Variants in TMEM242 observed in about 807,000 individuals in gnomAD.
The protein encoded by TMEM242 is UPF0463 transmembrane protein C6orf35.
In TMEM242, 10 loss-of-function variants were observed where a neutral mutation model predicts 18.2. The ratio of observed to expected loss-of-function variants is 0.55; its 90% CI spans 0.34 to 0.93. TMEM242 has a LOEUF of 0.93. TMEM242 is among the 40% of genes least tolerant of loss of function. The pLI is 0.02. For synonymous variants in TMEM242, 57 were observed against 69.9 expected (o/e 0.81, Z 0.92); for missense variants, 186 against 175.5 (o/e 1.06, Z -0.34).
chr6:157,317,426 T>G (rs888608148), intron 3 of TMEM242, among the ~76,000 whole-genome samples: 1 of 152,110 alleles, frequency 6.6e-6, no homozygotes, highest in Admixed American at 6.5e-5. Flanking sequence ...GCCAAGGAGA[T>G]TTCCCTCTTC....
chr6:157,318,778 T>C lies in TMEM242; in HGVS notation c.327+4A>G. The C allele has an allele frequency of 6.2e-7, 1 of 1,614,054 alleles. No homozygotes were observed. Among genetic ancestry groups the C allele is most frequent in the Non-Finnish European group, 8.5e-7 (1 of 1,180,004 alleles). Reference sequence around the variant, plus strand: ...ATACCAGGGACAAGACAGTAGTTACTTACACTGTGAACTCCTAAAGCTTTC... The same window carrying C: ...ATACCAGGGACAAGACAGTAGTTACCTACACTGTGAACTCCTAAAGCTTTC... On this transcript the variant is annotated splice_donor_region_variant and intron_variant, in intron 3 of 3. Transcript: ENST00000400788.
intron 1 of TMEM242, among the ~76,000 whole-genome samples, chr6:157,323,052 G>A (rs985002266): frequency 1.6e-4 from 24 of 152,100 alleles, no homozygotes; most frequent in Non-Finnish European, 3.4e-4. Context: ...GCAGAGAAAA[G>A]GTTCAGCTTC....
chr6:157,313,160 T>C (rs1554249641), intron 3 of TMEM242, among the ~76,000 whole-genome samples: 3 of 149,654 alleles, frequency 2.0e-5, no homozygotes, highest in African/African-American at 2.5e-5. Flanking sequence ...TCACCTGGCC[T>C]CATCATAGTG....
At position 157,292,960 on chromosome 6, in the gene TMEM242, T is replaced by C. The variant is rs377179342; in HGVS notation, c.367A>G (p.Thr123Ala). ...FRSKMQSIFP[T>A]IPKNSESAVE... ...GCCGATTCGGAGTTCTTGGGAATTG[T>C]TGGAAATATTGATTGCATTTTACTT... Residue 123 changes from threonine to alanine, a missense_variant, in exon 4 of 4, where the codon ACA becomes GCA. Thr to Ala is a moderately conservative substitution (Grantham distance 58). Coordinates refer to ENST00000400788, the MANE Select transcript of TMEM242 (RefSeq NM_018452.6). The C allele has an allele frequency of 3.1e-5, 50 of 1,613,740 alleles. No individual in the cohort carries two copies. Among genetic ancestry groups the C allele is most frequent in the African/African-American group, 2.7e-4 (20 of 74,936 alleles).
At chr6:157,299,228 A>G (rs1554247351) in intron 3 of TMEM242, 2 of 712,544 alleles carry the variant, frequency 2.8e-6, no homozygotes, top group Non-Finnish European at 5.4e-6. Context: ...TCTTCAAAAT[A>G]CTTTCTGTTA....
chr6:157,299,368 C>G (rs1411979210), intron 3 of TMEM242: 69 of 1,115,666 alleles, frequency 6.2e-5, no homozygotes, highest in Non-Finnish European at 8.7e-5. Flanking sequence ...TATCAGAGTT[C>G]AGATTCTTCA....
intron 3 of TMEM242, among the ~76,000 whole-genome samples, chr6:157,298,840 AAC>A (rs1356259471): frequency 1.3e-5 from 2 of 152,226 alleles, no homozygotes; most frequent in Admixed American, 1.3e-4. Flanking sequence ...GGGTACCAAA[AAC>A]ACTTTCTTTA....
rs185372458 is a variant in TMEM242, at chr6:157,294,721, C to A, written c.328-1722G>T. ...CTTTAATGTCGATGCTTATTTATTT[C>A]AATTTGAGGCTGAATCTTTACCTTG... On this transcript the variant is annotated intron_variant, in intron 3 of 3. Transcript: ENST00000400788. 7.2e-5 allele frequency among the ~76,000 whole-genome samples: 11 copies of A among 152,258 alleles called. 1 individual carries two copies. The highest frequency in any genetic ancestry group is 2.6e-4 in the African/African-American group (11 of 41,558).
At chr6:157,313,125 C>A (rs200949508) in intron 3 of TMEM242, among the ~76,000 whole-genome samples, 14,256 of 105,558 alleles carry the variant, frequency 0.14, 261 homozygotes, top group East Asian at 0.36. Context: ...CTCACCCGGC[C>A]TCATCATAGT....
intron 3 of TMEM242, among the ~76,000 whole-genome samples, chr6:157,308,049 G>C (rs1471484469): frequency 6.6e-6 from 1 of 152,132 alleles, no homozygotes; most frequent in African/African-American, 2.4e-5. Context: ...AATTGGCCAG[G>C]AGACTCAGTT....
At chr6:157,313,198 C>G (rs1778252060) in intron 3 of TMEM242, among the ~76,000 whole-genome samples, 3 of 147,940 alleles carry the variant, frequency 2.0e-5, no homozygotes, top group Admixed American at 6.8e-5. Context: ...CCGGCCTCAT[C>G]ATAGTGCCTC....
chr6:157,312,923 CA>C (rs1778228925), intron 3 of TMEM242, among the ~76,000 whole-genome samples: 1 of 152,254 alleles, frequency 6.6e-6, no homozygotes, highest in Non-Finnish European at 1.5e-5. Context: ...CACCCGGCAT[CA>C]TCATAGTGCC....
In TMEM242 at chr6:157,314,044, C is replaced by G. The variant is rs587712996; in HGVS notation, c.327+4738G>C. Reference sequence around the variant, plus strand: ...TCAGTGTGCACTCACCCGGCCTCGTCATAGTGCCGCAGTGTGCGCTCACCC... The same window carrying G: ...TCAGTGTGCACTCACCCGGCCTCGTGATAGTGCCGCAGTGTGCGCTCACCC... On this transcript the variant is annotated intron_variant, in intron 3 of 3. Coordinates refer to ENST00000400788, the MANE Select transcript of TMEM242 (RefSeq NM_018452.6). 5.8e-5 allele frequency among the ~76,000 whole-genome samples: 5 copies of G among 86,832 alleles called. No individual in the cohort carries two copies. In the South Asian group the frequency reaches 1.8e-3, roughly 31 times the overall value. 57.0% of individuals were successfully genotyped at this position (86,832 alleles called of 152,430 possible). A position where few individuals can be genotyped will look rare whatever the true frequency, so the allele number is the denominator to read the frequency against.
Position 157,299,381 on chromosome 6 carries a change from G to C in TMEM242, c.328-6382C>G, listed in dbSNP as rs1475419506. 6 of 1,190,712 alleles carry C rather than the reference G, an allele frequency of 5.0e-6. No individual in the cohort carries two copies. The Admixed American group carries it at 5.3e-5, about 10-fold the overall frequency. 73.8% of individuals were successfully genotyped at this position (1,190,712 alleles called of 1,614,324 possible). A position where few individuals can be genotyped will look rare whatever the true frequency, so the allele number is the denominator to read the frequency against. On this transcript the variant is annotated intron_variant, in intron 3 of 3. Transcript: ENST00000400788. Reference sequence around the variant, plus strand: ...TGTATCAGAGTTCAGATTCTTCAAAGCGACACCAGCTATGTTCACTCCACT... The same window carrying C: ...TGTATCAGAGTTCAGATTCTTCAAACCGACACCAGCTATGTTCACTCCACT...
chr6:157,317,533 G>A (rs1554250457), intron 3 of TMEM242, among the ~76,000 whole-genome samples: 1 of 152,090 alleles, frequency 6.6e-6, no homozygotes, highest in East Asian at 1.9e-4. Flanking sequence ...AACCTTCACT[G>A]CCTTGGTGAG....
At position 157,313,911 on chromosome 6, in the gene TMEM242, C is replaced by T. The variant is rs1046206521; in HGVS notation, c.327+4871G>A. Among the ~76,000 whole-genome samples the T allele has an allele frequency of 3.5e-5, 4 of 115,296 alleles. No homozygotes were observed. The East Asian group carries it at 8.8e-4, about 25-fold the overall frequency. 75.6% of individuals were successfully genotyped at this position (115,296 alleles called of 152,430 possible). A position where few individuals can be genotyped will look rare whatever the true frequency, so the allele number is the denominator to read the frequency against. On this transcript the variant is annotated intron_variant, in intron 3 of 3. Transcript: ENST00000400788. The stretch of plus-strand genomic sequence containing the variant: ...CCAGTGTGCGCTCACCTGGCCTCAT[C>T]ACAGTGTCCCAGTGTGCGCTCACCT...
intron 3 of TMEM242, chr6:157,318,510 A>C: frequency 6.7e-6 from 3 of 448,878 alleles, no homozygotes; most frequent in Non-Finnish European, 7.7e-6. Flanking sequence ...GGCATAACCC[A>C]CTGCACTCGC....
intron 3 of TMEM242, among the ~76,000 whole-genome samples, chr6:157,311,045 C>G (rs868933204): frequency 4.2e-5 from 6 of 143,756 alleles, no homozygotes; most frequent in African/African-American, 1.6e-4. Flanking sequence ...TCCCAGTGTG[C>G]GCTCACCTAA....
intron 3 of TMEM242, among the ~76,000 whole-genome samples, chr6:157,302,190 AC>A (rs1248751131): frequency 1.3e-5 from 2 of 152,182 alleles, no homozygotes; most frequent in African/African-American, 4.8e-5. Context: ...CAAATTAAAA[AC>A]TGCAGTTTTA....
Sources: gnomAD v4.1 joint callset for allele counts (sites outside exome capture counted in the v4.1 genomes callset) on GRCh38, gnomAD v4.1.1 for gene constraint, MANE v1.5 for transcripts, NCBI Gene and HGNC (gene_info 2026-07-23, HGNC 2026-07-21) for gene names.